DOCK4: variants seen among roughly 807,000 people sequenced by gnomAD.
DOCK4 encodes dedicator of cytokinesis 4.
A neutral mutation model predicts 268.1 loss-of-function variants in DOCK4; 97 were observed. The ratio of observed to expected loss-of-function variants is 0.36; its 90% CI spans 0.31 to 0.43. The LOEUF (loss-of-function observed/expected upper bound fraction) is 0.43. Ranked by LOEUF, DOCK4 falls within the 20% of genes least tolerant of loss-of-function variation. The pLI, the probability that DOCK4 is intolerant of heterozygous loss-of-function variation, is 1.00. For synonymous variants in DOCK4, 954 were observed against 887.2 expected (o/e 1.08, Z -1.34); for missense variants, 2,145 against 2,455.7 (o/e 0.87, Z 2.67).
chr7:112,097,082 A>G (rs1450365643), intron 1 of DOCK4, among the ~76,000 whole-genome samples: 3 of 152,214 alleles, frequency 2.0e-5, no homozygotes, highest in African/African-American at 2.4e-5. Flanking sequence ...TTCACAGGAA[A>G]AGAGAAGAAA....
At chr7:111,857,792 C>T (rs1805134321) in intron 23 of DOCK4, among the ~76,000 whole-genome samples, 1 of 152,234 alleles carries the variant, frequency 6.6e-6, no homozygotes, top group South Asian at 2.1e-4. Context: ...CCTTCCCCAA[C>T]AACCTCTCTG....
intron 2 of DOCK4, among the ~76,000 whole-genome samples, chr7:112,001,274 G>A (rs1293334322): frequency 6.6e-6 from 1 of 152,080 alleles, no homozygotes; most frequent in Non-Finnish European, 1.5e-5. Context: ...ATACTACATG[G>A]AAAATTCCAG....
intron 1 of DOCK4, among the ~76,000 whole-genome samples, chr7:112,115,755 C>G (rs1178088710): frequency 6.6e-6 from 1 of 152,070 alleles, no homozygotes; most frequent in Non-Finnish European, 1.5e-5. Context: ...GATCATAGGT[C>G]ACTGCAGCCT....
At chr7:112,147,265 C>T (rs1815600974) in intron 1 of DOCK4, among the ~76,000 whole-genome samples, 1 of 152,172 alleles carries the variant, frequency 6.6e-6, no homozygotes, top group South Asian at 2.1e-4. Context: ...TAATTAGTCA[C>T]TAAAACTATC....
At chr7:111,824,297 T>C (rs748385836) in intron 26 of DOCK4, among the ~76,000 whole-genome samples, 2 of 152,146 alleles carry the variant, frequency 1.3e-5, no homozygotes, top group Non-Finnish European at 2.9e-5. Context: ...CTCAGACATA[T>C]ATATGTATAT....
At chr7:111,808,568 G>A (rs1800843020) in intron 30 of DOCK4, 1 of 416,968 alleles carries the variant, frequency 2.4e-6, no homozygotes, top group South Asian at 5.6e-5. Context: ...TTGGAGCAAT[G>A]CTAGATTATA....
Position 111,868,052 on chromosome 7 carries a change from G to A in DOCK4, c.2212C>T (p.Leu738Phe). Residue 738 changes from leucine (L) to phenylalanine (F), a missense_variant, in exon 22 of 53, where the codon CTT (leucine) becomes TTT (phenylalanine). Physicochemically the swap from Leu to Phe is conservative, Grantham distance 22. Transcript: ENST00000428084. ...AGAAAGAAACGGACTGACATGAGAA[G>A]CTCCTGAATGCAGCAGCGGAACTCC... ...EEEFRCCIQE[L>F]LMSVRFFLSQ... 1 of 1,613,544 alleles carries A rather than the reference G, an allele frequency of 6.2e-7. No homozygotes were observed. Among genetic ancestry groups the A allele is most frequent in the Non-Finnish European group, 8.5e-7 (1 of 1,179,658 alleles).
At chr7:111,848,954 C>T (rs1232303248) in intron 23 of DOCK4, among the ~76,000 whole-genome samples, 1 of 152,172 alleles carries the variant, frequency 6.6e-6, no homozygotes, top group Admixed American at 6.5e-5. Context: ...TTCACCTCAG[C>T]CTTTAATTAG....
chr7:111,783,013 A>C, intron 34 of DOCK4, 89 bp from the exon 35 acceptor site: 7 of 1,097,016 alleles, frequency 6.4e-6, no homozygotes, highest in Non-Finnish European at 7.8e-6. Flanking sequence ...AAAGAAAGAA[A>C]GAAAGAAAAA....
chr7:111,827,259 C>T (rs1586106169), intron 26 of DOCK4, among the ~76,000 whole-genome samples: 1 of 152,090 alleles, frequency 6.6e-6, no homozygotes, highest in Non-Finnish European at 1.5e-5. Flanking sequence ...CCCAAATGAT[C>T]GTCCATCTTT....
At chr7:111,970,739 T>G (rs1327835661) in intron 8 of DOCK4, among the ~76,000 whole-genome samples, 2 of 152,182 alleles carry the variant, frequency 1.3e-5, no homozygotes, top group Non-Finnish European at 2.9e-5. Context: ...GGCTGTGCCT[T>G]CAGGAGACGC....
chr7:111,977,355 T>G, intron 7 of DOCK4, 72 bp from the exon 8 acceptor site: 2 of 1,496,036 alleles, frequency 1.3e-6, no homozygotes, highest in Non-Finnish European at 9.0e-7. Context: ...ACAAACTAGT[T>G]AGCTATGAGG....
intron 30 of DOCK4, among the ~76,000 whole-genome samples, chr7:111,797,696 T>C (rs1799995884): frequency 6.6e-6 from 1 of 152,198 alleles, no homozygotes; most frequent in Non-Finnish European, 1.5e-5. Flanking sequence ...CACTTTTTAA[T>C]ATGATTTTAG....
chr7:112,106,435 A>G (rs1002548709), intron 1 of DOCK4, among the ~76,000 whole-genome samples: 1 of 152,244 alleles, frequency 6.6e-6, no homozygotes, highest in Non-Finnish European at 1.5e-5. Context: ...AGGAGGCTGT[A>G]GCTAAACAAG....
chr7:112,171,993 A>G (rs75532207), intron 1 of DOCK4, among the ~76,000 whole-genome samples: 15,296 of 152,050 alleles, frequency 0.1, 948 homozygotes, highest in South Asian at 0.14. Flanking sequence ...TGTGTGTCCA[A>G]TTTCCTCTTC....
At chr7:111,850,315 C>T (rs1477009463) in intron 23 of DOCK4, among the ~76,000 whole-genome samples, 1 of 152,040 alleles carries the variant, frequency 6.6e-6, no homozygotes, top group Non-Finnish European at 1.5e-5. Context: ...CCCCACCTCC[C>T]ACCCTTATCT....
chr7:112,129,616 G>A (rs1055386432), intron 1 of DOCK4, among the ~76,000 whole-genome samples: 2 of 152,134 alleles, frequency 1.3e-5, no homozygotes, highest in African/African-American at 4.8e-5. Flanking sequence ...TGTATAAGAT[G>A]TCACCATTAA....
chr7:111,808,747 C>G, intron 30 of DOCK4, 74 bp downstream of exon 30: 1 of 1,496,718 alleles, frequency 6.7e-7, no homozygotes, highest in Non-Finnish European at 9.1e-7. Flanking sequence ...GGTAAATTGC[C>G]TTTCTTCATT....
At chr7:112,094,199 T>A (rs1362324465) in intron 1 of DOCK4, among the ~76,000 whole-genome samples, 1 of 150,112 alleles carries the variant, frequency 6.7e-6, no homozygotes, top group Admixed American at 6.7e-5. Flanking sequence ...TGTCATTGGT[T>A]GAATTAACAG....
Sources: gnomAD v4.1 joint callset for allele counts (sites outside exome capture counted in the v4.1 genomes callset) on GRCh38, gnomAD v4.1.1 for gene constraint, MANE v1.5 for transcripts, NCBI Gene and HGNC (gene_info 2026-07-23, HGNC 2026-07-21) for gene names.